The following DPP6 variants were observed in gnomAD, a reference collection of about 807,000 sequenced individuals.
DPP6 encodes A-type potassium channel modulatory protein DPP6.
In DPP6, 69 loss-of-function variants were observed where a neutral mutation model predicts 122.6. The observed-to-expected ratio is 0.56, with a 90% CI of 0.46 to 0.69. The LOEUF (loss-of-function observed/expected upper bound fraction) is 0.69. DPP6 is among the 30% of genes least tolerant of loss of function. DPP6 has a pLI of 0.00. For synonymous variants in DPP6, 418 were observed against 433.1 expected, an observed-to-expected ratio of 0.97 and a Z score of 0.43; for missense variants, 928 against 1,116.9, an observed-to-expected ratio of 0.83 and a Z score of 2.41.
At chr7:154,731,137 G>T (rs755725219) in intron 8 of DPP6, among the ~76,000 whole-genome samples, 2 of 151,816 alleles carry the variant, frequency 1.3e-5, no homozygotes, top group South Asian at 2.1e-4. Context: ...TTTGATGATC[G>T]CTTTTGCCTA....
At chr7:154,234,050 C>T (rs1801060354) in intron 1 of DPP6, among the ~76,000 whole-genome samples, 1 of 152,146 alleles carries the variant, frequency 6.6e-6, no homozygotes, top group South Asian at 2.1e-4. Context: ...ACTATTCAGT[C>T]AGCTATGGAA....
At chr7:154,506,015 ATTAT>A (rs1336932465) in intron 3 of DPP6, among the ~76,000 whole-genome samples, 3 of 151,916 alleles carry the variant, frequency 2.0e-5, no homozygotes, top group African/African-American at 4.8e-5. Flanking sequence ...TTATGTATTT[ATTAT>A]TTATTTATTG....
At chr7:154,669,712 G>T (rs1398927636) in intron 7 of DPP6, among the ~76,000 whole-genome samples, 1 of 152,186 alleles carries the variant, frequency 6.6e-6, no homozygotes, top group East Asian at 1.9e-4. Context: ...AACTGTAGCT[G>T]TGTCTATGGA....
At chr7:154,652,846 C>G (rs1361667409) in intron 6 of DPP6, among the ~76,000 whole-genome samples, 1 of 150,998 alleles carries the variant, frequency 6.6e-6, no homozygotes, top group Admixed American at 6.6e-5. Context: ...CTCCCTGAGT[C>G]GGAGCTGATA....
At chr7:154,663,631 A>T (rs1414310782) in intron 6 of DPP6, among the ~76,000 whole-genome samples, 1 of 49,908 alleles carries the variant, frequency 2.0e-5, no homozygotes, top group African/African-American at 3.9e-5. Context: ...TCACGCAGTC[A>T]TGGTGAATCA....
intron 1 of DPP6, among the ~76,000 whole-genome samples, chr7:153,930,930 C>T (rs886622025): frequency 1.3e-5 from 2 of 152,136 alleles, no homozygotes; most frequent in Non-Finnish European, 2.9e-5. Context: ...GCTTCATAGG[C>T]GCAGCTTGTT....
chr7:154,673,199 G>A (rs1838677332), intron 7 of DPP6, among the ~76,000 whole-genome samples: 1 of 152,214 alleles, frequency 6.6e-6, no homozygotes, highest in South Asian at 2.1e-4. Context: ...GCTCCCTAAA[G>A]TCAACCTACT....
intron 1 of DPP6, among the ~76,000 whole-genome samples, chr7:153,943,942 G>A (rs985566769): frequency 7.2e-5 from 11 of 152,172 alleles, no homozygotes; most frequent in African/African-American, 2.7e-4. Flanking sequence ...GGCAGTTCCA[G>A]TGGAGTCTGC....
At chr7:154,682,158 GCAGTTCAGATT>G (rs1839319413) in intron 7 of DPP6, among the ~76,000 whole-genome samples, 1 of 152,250 alleles carries the variant, frequency 6.6e-6, no homozygotes, top group African/African-American at 2.4e-5. Context: ...AATTAATTCA[GCAGTTCAGATT>G]CAGTTCAGAT....
At chr7:154,135,056 G>T (rs1440348382) in intron 1 of DPP6, among the ~76,000 whole-genome samples, 2 of 150,642 alleles carry the variant, frequency 1.3e-5, no homozygotes, top group African/African-American at 4.9e-5. Context: ...TCCAGTGAGT[G>T]TATACTTCCT....
chr7:154,637,613 T>C (rs1242783717), intron 5 of DPP6, among the ~76,000 whole-genome samples: 1 of 152,240 alleles, frequency 6.6e-6, no homozygotes, highest in Non-Finnish European at 1.5e-5. Context: ...AGCCTCTGGC[T>C]GCCCTATAAA....
chr7:154,784,347 C>T (rs904317516), intron 10 of DPP6, among the ~76,000 whole-genome samples: 2 of 152,124 alleles, frequency 1.3e-5, no homozygotes, highest in African/African-American at 4.8e-5. Context: ...TACCAAGCCC[C>T]CACCCTTCTG....
At chr7:153,891,883 A>G (rs1799220095) in intron 1 of DPP6, among the ~76,000 whole-genome samples, 1 of 152,200 alleles carries the variant, frequency 6.6e-6, no homozygotes, top group East Asian at 1.9e-4. Context: ...GAGGAGGTTC[A>G]GACCTAGGAC....
At chr7:154,050,758 T>C (rs992116270), upstream of DPP6, among the ~76,000 whole-genome samples, 2 of 149,120 alleles carry the variant, frequency 1.3e-5, no homozygotes, top group Admixed American at 1.3e-4. Context: ...CGCTTAGCTG[T>C]TGCAATCCTG....
At chr7:153,842,181 C>T in the DPP6 span, among the ~76,000 whole-genome samples, 1 of 152,144 alleles carries the variant, frequency 6.6e-6, no homozygotes, top group Admixed American at 6.5e-5. Context: ...AAAGGTTATG[C>T]AAGTGTGCAG....
At chr7:154,250,976 C>T (rs1388793899) in intron 1 of DPP6, among the ~76,000 whole-genome samples, 1 of 152,224 alleles carries the variant, frequency 6.6e-6, no homozygotes, top group Non-Finnish European at 1.5e-5. Context: ...AGACGAGCCC[C>T]ACCCAAGTGA....
intron 1 of DPP6, among the ~76,000 whole-genome samples, chr7:153,967,771 C>G (rs1405695047): frequency 6.6e-6 from 1 of 151,818 alleles, no homozygotes; most frequent in Admixed American, 6.6e-5. Context: ...GAGCTCACGT[C>G]TAGGGTTGCT....
chr7:154,463,734 G>A (rs900319712), intron 2 of DPP6, among the ~76,000 whole-genome samples: 1 of 150,176 alleles, frequency 6.7e-6, no homozygotes, highest in African/African-American at 2.4e-5. Flanking sequence ...CACAGGGTAT[G>A]TTTAGAAATG....
At chr7:153,851,763 C>T in the DPP6 span, among the ~76,000 whole-genome samples, 3 of 152,104 alleles carry the variant, frequency 2.0e-5, no homozygotes, top group African/African-American at 7.2e-5. Flanking sequence ...GACATTCTTT[C>T]ATATAGTACT....
Sources: gnomAD v4.1 joint callset for allele counts (sites outside exome capture counted in the v4.1 genomes callset) on GRCh38, gnomAD v4.1.1 for gene constraint, MANE v1.5 for transcripts, NCBI Gene and HGNC (gene_info 2026-07-23, HGNC 2026-07-21) for gene names.